Variants in VRK2 observed in about 807,000 individuals in gnomAD.
VRK2 encodes the protein VRK serine/threonine kinase 2.
In VRK2, 60 loss-of-function variants were observed where a neutral mutation model predicts 57.6. That is an observed-to-expected ratio of 1.04 (90% CI 0.85 to 1.29). VRK2 has a LOEUF of 1.29. Among genes scored for constraint, VRK2 ranks in the 50% most tolerant of loss-of-function variants. VRK2 has a pLI of 0.00. For missense variants in VRK2, 705 were observed against 588.1 expected (o/e 1.20, Z -2.06); for synonymous variants, 231 against 199.2 (o/e 1.16, Z -1.35).
At chr2:58,114,874 G>T (rs1028278225) in intron 7 of VRK2, among the ~76,000 whole-genome samples, 1 of 152,120 alleles carries the variant, frequency 6.6e-6, no homozygotes, top group African/African-American at 2.4e-5. Context: ...CAGTGAAAGC[G>T]TCTATTTAGA....
intron 3 of VRK2, among the ~76,000 whole-genome samples, chr2:58,040,388 A>G (rs1674409176): frequency 6.6e-6 from 1 of 152,236 alleles, no homozygotes; most frequent in Admixed American, 6.5e-5. Context: ...ATAAATCTGA[A>G]TATAACATAA....
chr2:57,927,074 A>G (rs1670564795), intron 1 of VRK2, among the ~76,000 whole-genome samples: 2 of 149,816 alleles, frequency 1.3e-5, no homozygotes, highest in South Asian at 2.1e-4. Context: ...TCTGAATAAT[A>G]TCTTATAACC....
Position 57,986,574 on chromosome 2 carries a change from C to T in VRK2, c.-438-39091C>T, listed in dbSNP as rs868611154. On this transcript the variant is annotated intron_variant, in intron 1 of 15. Coordinates refer to the VRK2 transcript ENST00000417641. ...AACAAAAAAGACTTCAGAAATAGAC[C>T]CACTAATACATAGTTCAATCGATTT... is the stretch of plus-strand genomic sequence containing the variant. Among the ~76,000 whole-genome samples, 4 of 151,354 alleles carry T rather than the reference C, an allele frequency of 2.6e-5. No homozygotes were observed. In the South Asian group the frequency reaches 8.3e-4, roughly 31 times the overall value.
chr2:58,041,224 C>A (rs989602229), intron 3 of VRK2, among the ~76,000 whole-genome samples: 2 of 152,138 alleles, frequency 1.3e-5, no homozygotes, highest in Admixed American at 6.5e-5. Context: ...TAATCTGATA[C>A]ATATTTACAT....
chr2:57,935,344 A>G (rs2103942453), intron 1 of VRK2, among the ~76,000 whole-genome samples: 1 of 152,104 alleles, frequency 6.6e-6, no homozygotes. Context: ...AATTCTTAAG[A>G]CTGTATGCCT....
chr2:58,152,304 G>T (rs1425231225), intron 12 of VRK2, among the ~76,000 whole-genome samples: 1 of 151,872 alleles, frequency 6.6e-6, no homozygotes, highest in Non-Finnish European at 1.5e-5. Context: ...AAATTACCAT[G>T]TGCACATTTA....
chr2:57,990,838 TAGTCACACACAG>T (rs1323347622), intron 1 of VRK2, among the ~76,000 whole-genome samples: 1 of 137,410 alleles, frequency 7.3e-6, no homozygotes, highest in East Asian at 2.1e-4. Context: ...CCCATTATGA[TAGTCACACACAG>T]ACATACACAC....
At chr2:58,028,911 T>A (rs1450649110) in intron 2 of VRK2, among the ~76,000 whole-genome samples, 18 of 82,360 alleles carry the variant, frequency 2.2e-4, no homozygotes, top group African/African-American at 9.8e-4. Flanking sequence ...TAAATATATA[T>A]ATATATATAT....
chr2:58,128,919 T>G (rs1185799338), intron 8 of VRK2, among the ~76,000 whole-genome samples: 2 of 152,202 alleles, frequency 1.3e-5, no homozygotes, highest in Non-Finnish European at 2.9e-5. Flanking sequence ...TTCTAAAATT[T>G]TCTTTCTAGT....
intron 7 of VRK2, among the ~76,000 whole-genome samples, chr2:58,106,589 TCATGAGCA>T (rs1674787343): frequency 6.6e-6 from 1 of 152,014 alleles, no homozygotes; most frequent in Admixed American, 6.6e-5. Flanking sequence ...TATAATGACT[TCATGAGCA>T]TGTCATTAAG....
chr2:57,970,092 A>ATATATT (rs1287440633), intron 1 of VRK2, among the ~76,000 whole-genome samples: 1 of 150,132 alleles, frequency 6.7e-6, no homozygotes. Context: ...AAATGTATAT[A>ATATATT]TATATTTATA....
chr2:58,047,339 G>A, intron 1 of VRK2: 1 of 838,094 alleles, frequency 1.2e-6, no homozygotes, highest in South Asian at 5.5e-5. Context: ...CAGTTTGCTC[G>A]GAAACTCGTG....
At chr2:58,025,503 G>C (rs932555138) in intron 1 of VRK2, among the ~76,000 whole-genome samples, 1 of 152,104 alleles carries the variant, frequency 6.6e-6, no homozygotes, top group African/African-American at 2.4e-5. Flanking sequence ...CAAAATGTCT[G>C]CTATATTTTA....
chr2:57,918,759 T>C (rs1473783937), intron 1 of VRK2, among the ~76,000 whole-genome samples: 1 of 152,132 alleles, frequency 6.6e-6, no homozygotes, highest in Non-Finnish European at 1.5e-5. Context: ...TCTATTGAGT[T>C]AAGTAATCCA....
intron 1 of VRK2, among the ~76,000 whole-genome samples, chr2:57,936,523 G>GT (rs979256098): frequency 2.1e-5 from 3 of 145,362 alleles, no homozygotes; most frequent in Admixed American, 6.8e-5. Context: ...GTTTTGTTTT[G>GT]TTTTTTTGTT....
intron 1 of VRK2, among the ~76,000 whole-genome samples, chr2:57,939,969 G>T (rs1671040107): frequency 6.6e-6 from 1 of 152,122 alleles, no homozygotes; most frequent in African/African-American, 2.4e-5. Context: ...TATTGAGATT[G>T]TACCTTTTTT....
chr2:58,006,746 G>A (rs141825981), intron 1 of VRK2, among the ~76,000 whole-genome samples: 1 of 152,150 alleles, frequency 6.6e-6, no homozygotes, highest in African/African-American at 2.4e-5. Flanking sequence ...GCCTTGAACT[G>A]ACCTATGGCA....
At chr2:58,086,280 G>T (rs768650608) in intron 4 of VRK2, 59 bp from the exon 5 acceptor site, 2 of 1,429,400 alleles carry the variant, frequency 1.4e-6, no homozygotes, top group African/African-American at 2.9e-5. Context: ...TCTGTAGAAA[G>T]GTGACAAGTA....
intron 8 of VRK2, among the ~76,000 whole-genome samples, chr2:58,129,829 T>A (rs1249872240): frequency 6.6e-6 from 1 of 152,138 alleles, no homozygotes; most frequent in African/African-American, 2.4e-5. Flanking sequence ...AAAGGGTGAC[T>A]ATTGGGTGTT....
Sources: allele counts gnomAD v4.1 joint callset (sites outside exome capture counted in the v4.1 genomes callset), GRCh38; gene constraint gnomAD v4.1.1; transcripts MANE v1.5; gene names NCBI Gene and HGNC (gene_info 2026-07-23, HGNC 2026-07-21).